Variants in CNOT10 observed in about 807,000 individuals in gnomAD.
The protein encoded by CNOT10 is CCR4-NOT transcription complex, subunit 10.
CNOT10 carries 30 observed loss-of-function variants against 94.6 expected under a neutral mutation model. The observed-to-expected ratio is 0.32, with a 90% CI of 0.24 to 0.43. The LOEUF is 0.43. Among genes scored for constraint, CNOT10 ranks in the 20% least tolerant of loss-of-function variants. The pLI is 1.00. For synonymous variants in CNOT10, 289 were observed against 301.6 expected, an observed-to-expected ratio of 0.96 and a Z score of 0.43; for missense variants, 759 against 877.2, an observed-to-expected ratio of 0.87 and a Z score of 1.70.
chr3:32,765,091 C>G (rs1209448418), intron 17 of CNOT10: 2 of 891,998 alleles, frequency 2.2e-6, no homozygotes, highest in Non-Finnish European at 1.6e-6. Context: ...GAGGCCGAGG[C>G]AGGCGGATCA....
intron 4 of CNOT10, 54 bp downstream of exon 4, chr3:32,708,874 T>A: frequency 1.4e-6 from 2 of 1,443,916 alleles, no homozygotes; most frequent in Non-Finnish European, 1.9e-6. Context: ...CTTGCAGAAT[T>A]CTCTGGTACT....
At chr3:32,732,544 C>G (rs778519309) in intron 10 of CNOT10, among the ~76,000 whole-genome samples, 1 of 151,782 alleles carries the variant, frequency 6.6e-6, no homozygotes, top group Non-Finnish European at 1.5e-5. Flanking sequence ...CGAGATCATG[C>G]CACTGTACTC....
At chr3:32,768,095 G>A (rs539633829) in intron 17 of CNOT10, among the ~76,000 whole-genome samples, 9 of 152,232 alleles carry the variant, frequency 5.9e-5, no homozygotes, top group South Asian at 2.1e-4. Flanking sequence ...AAAGGGCTCC[G>A]AGTAGATGTT....
chr3:32,699,246 G>A (rs1036765062), intron 1 of CNOT10, among the ~76,000 whole-genome samples: 6 of 152,158 alleles, frequency 3.9e-5, no homozygotes, highest in African/African-American at 1.2e-4. Flanking sequence ...TATAAAACAT[G>A]GGATTCAGTT....
At chr3:32,698,523 T>A (rs1697183503) in intron 1 of CNOT10, among the ~76,000 whole-genome samples, 1 of 152,188 alleles carries the variant, frequency 6.6e-6, no homozygotes, top group South Asian at 2.1e-4. Context: ...ATTACAGACA[T>A]AAATATATTT....
At chr3:32,764,940 A>G in intron 17 of CNOT10, 131 bp downstream of exon 17, 2 of 1,504,348 alleles carry the variant, frequency 1.3e-6, no homozygotes, top group East Asian at 2.4e-5. Flanking sequence ...TCCCAGATAT[A>G]AAAATATTCT....
At chr3:32,740,958 G>A (rs1292773427) in intron 13 of CNOT10, among the ~76,000 whole-genome samples, 3 of 151,768 alleles carry the variant, frequency 2.0e-5, no homozygotes, top group African/African-American at 7.3e-5. Context: ...CTCCCACCTT[G>A]GCCTCCCAAA....
chr3:32,762,892 G>T (rs748974115), intron 15 of CNOT10, 29 bp downstream of exon 15: 94 of 1,481,558 alleles, frequency 6.3e-5, no homozygotes, highest in Non-Finnish European at 7.8e-5. Context: ...GATCAGAACT[G>T]GTCACTGTTT....
chr3:32,710,559 A>G (rs1359393010), intron 4 of CNOT10, among the ~76,000 whole-genome samples: 1 of 152,142 alleles, frequency 6.6e-6, no homozygotes, highest in East Asian at 1.9e-4. Context: ...TTGGACAAAT[A>G]TATTCATTAT....
intron 17 of CNOT10, among the ~76,000 whole-genome samples, chr3:32,767,823 G>A (rs1003835836): frequency 2.0e-5 from 3 of 152,136 alleles, no homozygotes; most frequent in African/African-American, 7.2e-5. Flanking sequence ...CCCTCTCAAA[G>A]TGCCCCCAGA....
rs912893039 is a variant in CNOT10, at chr3:32,685,235, C to G, written c.-226C>G. 3.9e-6 allele frequency: 2 copies of G among 518,422 alleles called. No individual in the cohort carries two copies. Among genetic ancestry groups the G allele is most frequent in the Non-Finnish European group, 6.9e-6 (2 of 288,178 alleles). 32.1% of individuals were successfully genotyped at this position (518,422 alleles called of 1,614,324 possible). A position where few individuals can be genotyped will look rare whatever the true frequency, so the allele number is the denominator to read the frequency against. On this transcript the variant is annotated 5_prime_UTR_variant, in exon 1 of 19. Coordinates refer to ENST00000328834, the MANE Select transcript of CNOT10 (RefSeq NM_015442.3). ...GGCGGAAGCTGTGTATGGCGGGAGG[C>G]TGTGGCGGTCCCTTGGTGGGGAAGC...
In CNOT10 at chr3:32,717,257, T is replaced by C. The variant is rs1208107747; in HGVS notation, c.744+20T>C. ...GGAAATGTAAGTTTCTTCTGGACTT[T>C]TGTTTTTCAATTTGTGTCTTTCTTA... On this transcript the variant is annotated intron_variant, in intron 7 of 18. Coordinates refer to ENST00000328834, the MANE Select transcript of CNOT10 (RefSeq NM_015442.3). 2 of 1,512,876 alleles carry C rather than the reference T, an allele frequency of 1.3e-6. No homozygotes were observed. The highest frequency in any genetic ancestry group is 1.8e-6 in the Non-Finnish European group (2 of 1,095,800). 93.7% of individuals were successfully genotyped at this position (1,512,876 alleles called of 1,614,324 possible).
At position 32,687,455 on chromosome 3, in the gene CNOT10, T is replaced by TTTTTTTTTTTTTG. The variant is rs1696666623; in HGVS notation, c.22+1985_22+1986insGTTTTTTTTTTTT. ...GTCCTCACGGTTTTTTTTTTTTGTT[T>TTTTTTTTTTTTTG]TTTTTTTTTTTTTTGAGACGGAGTC... is the stretch of plus-strand genomic sequence containing the variant. On this transcript the variant is annotated intron_variant, in intron 1 of 18. Transcript: ENST00000328834. Among the ~76,000 whole-genome samples, 4 of 89,484 alleles carry TTTTTTTTTTTTTG rather than the reference T, an allele frequency of 4.5e-5. 1 individual carries two copies. Among genetic ancestry groups the TTTTTTTTTTTTTG allele is most frequent in the Non-Finnish European group, 6.8e-5 (3 of 43,910 alleles). 58.7% of individuals were successfully genotyped at this position (89,484 alleles called of 152,430 possible).
intron 1 of CNOT10, among the ~76,000 whole-genome samples, chr3:32,691,858 C>G (rs982719902): frequency 6.6e-6 from 1 of 151,594 alleles, no homozygotes; most frequent in Non-Finnish European, 1.5e-5. Flanking sequence ...GAGTTAGAGA[C>G]CAGCGTAGGT....
chr3:32,739,739 A>C (rs909353608), intron 13 of CNOT10, among the ~76,000 whole-genome samples: 1 of 152,170 alleles, frequency 6.6e-6, no homozygotes, highest in African/African-American at 2.4e-5. Flanking sequence ...AGCCTAGCCA[A>C]CATGGTGAAA....
At chr3:32,697,822 A>G (rs1697149029) in intron 1 of CNOT10, among the ~76,000 whole-genome samples, 1 of 152,238 alleles carries the variant, frequency 6.6e-6, no homozygotes, top group Non-Finnish European at 1.5e-5. Context: ...TAGCAAACTA[A>G]GAATTTTTGG....
chr3:32,685,654 C>T (rs971151338), intron 1 of CNOT10, among the ~76,000 whole-genome samples, 172 bp downstream of exon 1: 28 of 152,164 alleles, frequency 1.8e-4, no homozygotes, highest in African/African-American at 6.5e-4. Flanking sequence ...GTCTTCGGGC[C>T]CCGGGTCCAA....
At chr3:32,712,761 C>T (rs1168559919) in intron 4 of CNOT10, among the ~76,000 whole-genome samples, 1 of 152,084 alleles carries the variant, frequency 6.6e-6, no homozygotes, top group Non-Finnish European at 1.5e-5. Context: ...ATCTCTTGAG[C>T]CTAGTAGGCA....
At chr3:32,703,792 G>A in intron 1 of CNOT10, 76 bp from the exon 2 acceptor site, 1 of 986,428 alleles carries the variant, frequency 1.0e-6, no homozygotes, top group South Asian at 1.4e-5. Context: ...TGAAACTGCA[G>A]AAAGTGAAAC....
Sources: gnomAD v4.1 joint callset for allele counts (sites outside exome capture counted in the v4.1 genomes callset) on GRCh38, gnomAD v4.1.1 for gene constraint, MANE v1.5 for transcripts, NCBI Gene and HGNC (gene_info 2026-07-23, HGNC 2026-07-21) for gene names.